Variants in SCHIP1 observed in about 807,000 individuals in gnomAD.
SCHIP1 encodes the protein schwannomin-interacting protein 1.
SCHIP1 carries 8 observed loss-of-function variants against 29.7 expected under a neutral mutation model. That is an observed-to-expected ratio of 0.27 (90% confidence interval 0.16 to 0.49). The LOEUF is 0.49. Among genes scored for constraint, SCHIP1 ranks in the 20% least tolerant of loss-of-function variants. SCHIP1 has a pLI of 0.99. For synonymous variants in SCHIP1, 76 were observed against 94.9 expected, an observed-to-expected ratio of 0.80 and a Z score of 1.16; for missense variants, 193 against 294.6, an observed-to-expected ratio of 0.66 and a Z score of 2.52.
chr3:159,474,159 A>T, the SCHIP1 span, among the ~76,000 whole-genome samples: 1 of 152,152 alleles, frequency 6.6e-6, no homozygotes, highest in South Asian at 2.1e-4. Flanking sequence ...GAGTCCTGTT[A>T]TATAGATATG....
At chr3:159,397,856 G>A in the SCHIP1 span, among the ~76,000 whole-genome samples, 19 of 152,354 alleles carry the variant, frequency 1.2e-4, no homozygotes, top group Middle Eastern at 3.4e-3. Flanking sequence ...GCTCCACCCA[G>A]TTCGAGCTTC....
chr3:159,799,723 G>A, the SCHIP1 span, among the ~76,000 whole-genome samples: 3 of 152,328 alleles, frequency 2.0e-5, no homozygotes, highest in South Asian at 6.2e-4. Flanking sequence ...GAGAGAGCCT[G>A]GCACACAGAA....
chr3:159,846,131 G>A (rs1049700504), intron 1 of SCHIP1: 5 of 152,186 alleles, frequency 3.3e-5, no homozygotes, highest in Non-Finnish European at 5.9e-5. Flanking sequence ...TGCTTTGCAA[G>A]TACTCATCTC....
At chr3:159,292,079 G>A in the SCHIP1 span, among the ~76,000 whole-genome samples, 1 of 151,954 alleles carries the variant, frequency 6.6e-6, no homozygotes, top group African/African-American at 2.4e-5. Context: ...GACAACATAG[G>A]CCATAATTAT....
the SCHIP1 span, among the ~76,000 whole-genome samples, chr3:159,297,752 C>T: frequency 3.3e-5 from 5 of 152,150 alleles, no homozygotes; most frequent in Admixed American, 6.5e-5. Context: ...TAGGGTCACC[C>T]TGAGGTCTTT....
the SCHIP1 span, among the ~76,000 whole-genome samples, chr3:159,620,482 A>AATGGC: frequency 1.3e-5 from 2 of 152,244 alleles, no homozygotes; most frequent in Admixed American, 6.5e-5. Context: ...AGAAATAGAC[A>AATGGC]ATGGCATTCA....
chr3:159,299,257 T>G, the SCHIP1 span, among the ~76,000 whole-genome samples: 1 of 152,226 alleles, frequency 6.6e-6, no homozygotes, highest in Non-Finnish European at 1.5e-5. Flanking sequence ...CACAGGAAGA[T>G]GCACCCCTTA....
chr3:159,815,937 C>CTATTTATTTATA, the SCHIP1 span, among the ~76,000 whole-genome samples: 1 of 147,444 alleles, frequency 6.8e-6, no homozygotes. Context: ...GCCTCTGGTC[C>CTATTTATTTATA]TATTTATTTA....
At chr3:159,494,181 CAATT>C in the SCHIP1 span, among the ~76,000 whole-genome samples, 1 of 151,912 alleles carries the variant, frequency 6.6e-6, no homozygotes, top group African/African-American at 2.4e-5. Context: ...CCTAATATCA[CAATT>C]AAAAGAACTA....
chr3:159,613,685 A>G, the SCHIP1 span, among the ~76,000 whole-genome samples: 2 of 152,204 alleles, frequency 1.3e-5, no homozygotes, highest in African/African-American at 4.8e-5. Flanking sequence ...AGAAGCCAAC[A>G]AGATCTACTA....
chr3:159,610,730 A>C, the SCHIP1 span, among the ~76,000 whole-genome samples: 1 of 152,088 alleles, frequency 6.6e-6, no homozygotes. Flanking sequence ...CTGGTATAGA[A>C]TGGTATTAAA....
the SCHIP1 span, among the ~76,000 whole-genome samples, chr3:159,303,777 T>C: frequency 6.6e-6 from 1 of 152,208 alleles, no homozygotes; most frequent in Non-Finnish European, 1.5e-5. Flanking sequence ...ATAGCCATAT[T>C]ATAAGAAATT....
chr3:159,720,771 G>A, the SCHIP1 span, among the ~76,000 whole-genome samples: 2 of 152,184 alleles, frequency 1.3e-5, no homozygotes, highest in Middle Eastern at 3.4e-3. Flanking sequence ...TTTTAGTAGA[G>A]ACGGGGTTTT....
the SCHIP1 span, among the ~76,000 whole-genome samples, chr3:159,275,541 T>A: frequency 6.6e-6 from 1 of 152,196 alleles, no homozygotes; most frequent in Non-Finnish European, 1.5e-5. Context: ...CTCTGAAGGA[T>A]GTGACTCATT....
At chr3:159,492,170 C>T in the SCHIP1 span, among the ~76,000 whole-genome samples, 2 of 152,012 alleles carry the variant, frequency 1.3e-5, no homozygotes, top group African/African-American at 2.4e-5. Flanking sequence ...GCAGAAAAAC[C>T]GGAAACTCTA....
chr3:159,438,752 G>C, the SCHIP1 span, among the ~76,000 whole-genome samples: 2 of 152,062 alleles, frequency 1.3e-5, no homozygotes, highest in African/African-American at 4.8e-5. Flanking sequence ...TTGGTTTTCT[G>C]TTCCTGCATT....
chr3:159,669,025 G>A, the SCHIP1 span, among the ~76,000 whole-genome samples: 37 of 152,236 alleles, frequency 2.4e-4, no homozygotes, highest in Admixed American at 2.2e-3. Context: ...GGTTCTACAA[G>A]AGACCAGAAT....
At chr3:159,621,454 A>G in the SCHIP1 span, among the ~76,000 whole-genome samples, 2 of 152,218 alleles carry the variant, frequency 1.3e-5, no homozygotes, top group Admixed American at 6.5e-5. Context: ...TATAACTCAA[A>G]TATCTCCAAC....
At chr3:159,521,575 G>T in the SCHIP1 span, among the ~76,000 whole-genome samples, 6 of 152,222 alleles carry the variant, frequency 3.9e-5, no homozygotes, top group African/African-American at 1.4e-4. Flanking sequence ...TCACTCATTT[G>T]TATTACCTGC....
Sources: gnomAD v4.1 joint callset for allele counts (sites outside exome capture counted in the v4.1 genomes callset) on GRCh38, gnomAD v4.1.1 for gene constraint, MANE v1.5 for transcripts, NCBI Gene and HGNC (gene_info 2026-07-23, HGNC 2026-07-21) for gene names.